PTK2: variants seen among roughly 807,000 people sequenced by gnomAD.
The protein encoded by PTK2 is focal adhesion kinase 1.
Under a neutral mutation model 150.1 loss-of-function variants are expected in PTK2, and 45 were observed. The ratio of observed to expected loss-of-function variants is 0.30; its 90% CI spans 0.24 to 0.38. The LOEUF is 0.38. Ranked by LOEUF, PTK2 falls within the 10% of genes least tolerant of loss-of-function variation. PTK2 has a pLI of 1.00. For missense variants in PTK2, 919 were observed against 1,307.3 expected (o/e 0.70, Z 4.58); for synonymous variants, 432 against 449.2 (o/e 0.96, Z 0.48).
At chr8:140,921,352 T>A (rs1487505754) in intron 2 of PTK2, 1 of 174,484 alleles carries the variant, frequency 5.7e-6, no homozygotes, top group Non-Finnish European at 1.2e-5. Flanking sequence ...TTTACAAAAC[T>A]GACAACCGAT....
intron 10 of PTK2, among the ~76,000 whole-genome samples, chr8:140,812,203 C>T (rs1235482713): frequency 1.3e-5 from 2 of 152,176 alleles, no homozygotes; most frequent in South Asian, 2.1e-4. Context: ...AACAGCAGAC[C>T]TCTCAGTAGA....
intron 22 of PTK2, among the ~76,000 whole-genome samples, chr8:140,722,823 A>C (rs2154308788): frequency 1.3e-5 from 2 of 152,338 alleles, no homozygotes; most frequent in South Asian, 4.1e-4. Context: ...AATTGGGGAA[A>C]ACAAGTGTCT....
At chr8:140,936,325 A>G (rs2100173611) in intron 1 of PTK2, among the ~76,000 whole-genome samples, 1 of 152,212 alleles carries the variant, frequency 6.6e-6, no homozygotes, top group Non-Finnish European at 1.5e-5. Context: ...CATGTACTGT[A>G]TAGATAAATC....
chr8:140,720,326 G>C (rs1233759697), intron 22 of PTK2, among the ~76,000 whole-genome samples: 2 of 152,012 alleles, frequency 1.3e-5, no homozygotes, highest in African/African-American at 4.8e-5. Flanking sequence ...TTTGCTAAAT[G>C]AACAAATACT....
At chr8:140,828,830 G>C (rs1165882752) in intron 8 of PTK2, among the ~76,000 whole-genome samples, 1 of 152,194 alleles carries the variant, frequency 6.6e-6, no homozygotes, top group Non-Finnish European at 1.5e-5. Context: ...CCAACTGCAA[G>C]AGTATGGGCC....
At chr8:140,924,607 T>A (rs183913800) in intron 2 of PTK2, among the ~76,000 whole-genome samples, 1 of 152,276 alleles carries the variant, frequency 6.6e-6, no homozygotes, top group African/African-American at 2.4e-5. Context: ...TCAGTGACAG[T>A]ATGGCTGTCT....
intron 26 of PTK2, among the ~76,000 whole-genome samples, chr8:140,689,231 T>C (rs573751190): frequency 1.3e-5 from 2 of 152,332 alleles, no homozygotes; most frequent in South Asian, 4.1e-4. Flanking sequence ...TGCCACTGCC[T>C]GAATGAAGAG....
intron 14 of PTK2, chr8:140,764,885 A>G (rs910028156): frequency 6.6e-6 from 1 of 152,428 alleles, no homozygotes; most frequent in African/African-American, 2.4e-5. Flanking sequence ...AAAAGGGCAG[A>G]TCTACAAAGA....
chr8:140,702,819 G>A, intron 24 of PTK2, 112 bp from the exon 28 acceptor site: 2 of 1,221,134 alleles, frequency 1.6e-6, no homozygotes, highest in Non-Finnish European at 1.1e-6. Context: ...GCAGAATTAT[G>A]GCCCCCCAAA....
chr8:140,817,215 GATTACTAA>G (rs1248759278), intron 10 of PTK2, among the ~76,000 whole-genome samples: 3 of 151,642 alleles, frequency 2.0e-5, no homozygotes. Flanking sequence ...AAACACAGAA[GATTACTAA>G]ATCACTTACA....
intron 2 of PTK2, among the ~76,000 whole-genome samples, chr8:140,918,717 T>G (rs955554704): frequency 1.3e-5 from 2 of 152,204 alleles, no homozygotes; most frequent in Admixed American, 1.3e-4. Context: ...CCTGGTATTT[T>G]ATGTGTCTTC....
intron 17 of PTK2, among the ~76,000 whole-genome samples, chr8:140,748,476 G>C (rs950981602): frequency 1.4e-5 from 2 of 141,238 alleles, no homozygotes; most frequent in African/African-American, 5.6e-5. Context: ...CAGCCTGGGC[G>C]ACAGACTGAG....
chr8:140,969,203 A>G (rs951209150), intron 1 of PTK2, among the ~76,000 whole-genome samples: 2 of 152,168 alleles, frequency 1.3e-5, no homozygotes, highest in Admixed American at 6.5e-5. Flanking sequence ...TCCTCCTAAC[A>G]TAACATCCAA....
At chr8:140,796,422 C>T (rs564176746) in intron 12 of PTK2, among the ~76,000 whole-genome samples, 1 of 152,178 alleles carries the variant, frequency 6.6e-6, no homozygotes, top group Admixed American at 6.5e-5. Flanking sequence ...CCTCCCACCA[C>T]CAGCACCACC....
chr8:140,850,280 G>A (rs1487078474), intron 5 of PTK2, among the ~76,000 whole-genome samples: 1 of 151,448 alleles, frequency 6.6e-6, no homozygotes, highest in African/African-American at 2.4e-5. Flanking sequence ...ACAAAAATTA[G>A]CTGGGCATGG....
intron 26 of PTK2, among the ~76,000 whole-genome samples, chr8:140,696,702 AG>A (rs752844243): frequency 2.0e-5 from 3 of 152,204 alleles, no homozygotes; most frequent in Non-Finnish European, 2.9e-5. Flanking sequence ...AAAAGGCATG[AG>A]TTAAAAAACA....
chr8:140,847,008 TAAG>T (rs2100125992), intron 5 of PTK2, among the ~76,000 whole-genome samples: 1 of 152,188 alleles, frequency 6.6e-6, no homozygotes, highest in South Asian at 2.1e-4. Context: ...GGTCTCCTAT[TAAG>T]AAAAGCTCAT....
In PTK2 at chr8:140,676,101, G is replaced by A. The variant is rs1021169067; in HGVS notation, c.2563-602C>T. 3.3e-5 allele frequency among the ~76,000 whole-genome samples: 5 copies of A among 152,172 alleles called. No individual in the cohort carries two copies. In the South Asian group the frequency reaches 1.0e-3, roughly 32 times the overall value. The stretch of plus-strand genomic sequence containing the variant: ...CACAAAAAAGAATACAATTGGCTGG[G>A]CACAGTGGCTCATGCCTGTAATCCC... On this transcript the variant is annotated intron_variant, in intron 27 of 31. Coordinates refer to ENST00000522684, the Ensembl canonical transcript of PTK2.
chr8:140,797,605 A>G (rs186048800), intron 12 of PTK2, among the ~76,000 whole-genome samples: 2 of 152,286 alleles, frequency 1.3e-5, no homozygotes, highest in African/African-American at 2.4e-5. Context: ...ACAACTCTAT[A>G]TTACACTATA....
Sources: gnomAD v4.1 joint callset for allele counts (sites outside exome capture counted in the v4.1 genomes callset) on GRCh38, gnomAD v4.1.1 for gene constraint, MANE v1.5 for transcripts, NCBI Gene and HGNC (gene_info 2026-07-23, HGNC 2026-07-21) for gene names.